ABLIM1: variants seen among roughly 807,000 people sequenced by gnomAD.
ABLIM1 encodes the protein actin-binding LIM protein 1.
Under a neutral mutation model 107.0 loss-of-function variants are expected in ABLIM1, and 40 were observed. The observed-to-expected ratio is 0.37, with a 90% CI of 0.29 to 0.49. ABLIM1 has a LOEUF of 0.49. Ranked by LOEUF, ABLIM1 falls within the 20% of genes least tolerant of loss-of-function variation. The probability of loss-of-function intolerance (pLI) is 0.97; values close to 1 mark genes in which losing one functional copy is unlikely to be tolerated. For missense variants in ABLIM1, 857 were observed against 1,008.5 expected (o/e 0.85, Z 2.04); for synonymous variants, 357 against 357.3 (o/e 1.00, Z 0.01).
the ABLIM1 span, among the ~76,000 whole-genome samples, chr10:114,788,326 TA>T: frequency 3.0e-5 from 4 of 131,368 alleles, no homozygotes; most frequent in African/African-American, 8.5e-5. Context: ...GAATGATCAA[TA>T]AAAAAATAAA....
In ABLIM1 at chr10:114,460,643, A is replaced by C. The variant is rs2063696180; in HGVS notation, c.1441+5055T>G. On this transcript the variant is annotated intron_variant, in intron 12 of 22. Transcript: ENST00000533213. ...GCAATTTAAGAGCACCATGCTGACC[A>C]AGGTGGGTGTGCCCCACACCAAGAC... is the stretch of plus-strand genomic sequence containing the variant. Among the ~76,000 whole-genome samples, 3 of 152,212 alleles carry C rather than the reference A, an allele frequency of 2.0e-5. No homozygotes were observed. In the South Asian group the frequency reaches 6.2e-4, roughly 31 times the overall value.
the ABLIM1 span, among the ~76,000 whole-genome samples, chr10:114,795,260 A>G: frequency 6.6e-6 from 1 of 152,276 alleles, no homozygotes; most frequent in East Asian, 1.9e-4. Context: ...TGAATATTAC[A>G]TTTAGAGGGA....
chr10:114,463,017 T>A (rs1489613660), intron 12 of ABLIM1: 2 of 1,313,482 alleles, frequency 1.5e-6, no homozygotes, highest in South Asian at 2.4e-5. Context: ...CTATGCAGGG[T>A]GCTGCCTGGA....
At chr10:114,800,856 C>T in the ABLIM1 span, among the ~76,000 whole-genome samples, 2 of 151,824 alleles carry the variant, frequency 1.3e-5, no homozygotes, top group African/African-American at 4.8e-5. Context: ...TGTAATCAGC[C>T]GAGATCATGC....
intron 1 of ABLIM1, among the ~76,000 whole-genome samples, chr10:114,627,312 T>C (rs1240052087): frequency 6.6e-6 from 1 of 152,204 alleles, no homozygotes; most frequent in Non-Finnish European, 1.5e-5. Flanking sequence ...AGCTGCCTGC[T>C]TCAGGGAGTC....
chr10:114,737,227 G>A (rs2082198599), intron 1 of ABLIM1, among the ~76,000 whole-genome samples: 1 of 152,188 alleles, frequency 6.6e-6, no homozygotes, highest in Non-Finnish European at 1.5e-5. Flanking sequence ...CAAAGGCTGA[G>A]ACACGAGAAT....
At chr10:114,638,018 A>C (rs2078565617) in intron 1 of ABLIM1, among the ~76,000 whole-genome samples, 1 of 152,172 alleles carries the variant, frequency 6.6e-6, no homozygotes, top group Non-Finnish European at 1.5e-5. Flanking sequence ...ACCACCACCA[A>C]GTGCTCTGAA....
intron 4 of ABLIM1, among the ~76,000 whole-genome samples, chr10:114,552,430 G>T (rs2068176358): frequency 6.7e-6 from 1 of 148,770 alleles, no homozygotes; most frequent in African/African-American, 2.5e-5. Flanking sequence ...TGGCATCGAG[G>T]AAATAAAACC....
intron 1 of ABLIM1, among the ~76,000 whole-genome samples, chr10:114,618,692 G>A (rs143108185): frequency 6.6e-6 from 1 of 152,344 alleles, no homozygotes; most frequent in African/African-American, 2.4e-5. Flanking sequence ...TCAACAAGGT[G>A]CCTTCCAATC....
Position 114,547,744 on chromosome 10 carries a change from C to G in ABLIM1, c.706G>C (p.Gly236Arg), listed in dbSNP as rs1386555857. 5 of 1,612,676 alleles carry G rather than the reference C, an allele frequency of 3.1e-6. No individual in the cohort carries two copies. Among genetic ancestry groups the G allele is most frequent in the Non-Finnish European group, 3.4e-6 (4 of 1,180,020 alleles). The change falls in exon 5 of 23, where the codon GGG becomes CGG. Residue 236 changes from glycine to arginine, a missense_variant. Gly to Arg is a moderately radical substitution (Grantham distance 125, BLOSUM62 -2). Coordinates refer to ENST00000533213, the MANE Select transcript of ABLIM1 (RefSeq NM_002313.7). ...TTATCCAGCGCCAGCAGCGCCTGCC[C>G]ATTCTTGATATCTCTTCCGCAGCCG... ...CAGCGRDIKNGQALLALDKQW... is the reference protein window; with the variant it reads ...CAGCGRDIKNRQALLALDKQW...
chr10:114,565,951 T>C (rs1243835053), intron 4 of ABLIM1, among the ~76,000 whole-genome samples: 11 of 151,906 alleles, frequency 7.2e-5, no homozygotes, highest in East Asian at 3.9e-4. Context: ...CCCGCCACCA[T>C]GCCTCGCTAA....
intron 1 of ABLIM1, among the ~76,000 whole-genome samples, chr10:114,628,823 C>T (rs899137162): frequency 3.3e-5 from 5 of 151,982 alleles, no homozygotes; most frequent in Admixed American, 6.6e-5. Flanking sequence ...TAATAAATCC[C>T]TTTTGTATTC....
At chr10:114,593,277 T>C (rs1219028410) in intron 2 of ABLIM1, among the ~76,000 whole-genome samples, 1 of 152,024 alleles carries the variant, frequency 6.6e-6, no homozygotes, top group Non-Finnish European at 1.5e-5. Flanking sequence ...GACCTTAGAG[T>C]TGTCAAGAAC....
chr10:114,548,791 G>A (rs1381839337), intron 4 of ABLIM1, among the ~76,000 whole-genome samples: 1 of 152,170 alleles, frequency 6.6e-6, no homozygotes, highest in Non-Finnish European at 1.5e-5. Flanking sequence ...GTGTCAAGTT[G>A]GCCACGTGTT....
chr10:114,593,873 A>T (rs2075156665), intron 2 of ABLIM1, among the ~76,000 whole-genome samples: 1 of 152,244 alleles, frequency 6.6e-6, no homozygotes, highest in Non-Finnish European at 1.5e-5. Context: ...TAAAAACTAA[A>T]TTATATTTAT....
At chr10:114,660,623 C>T (rs944419043), upstream of ABLIM1, among the ~76,000 whole-genome samples, 3 of 152,156 alleles carry the variant, frequency 2.0e-5, no homozygotes, top group East Asian at 3.9e-4. Flanking sequence ...TAATAAACAT[C>T]GTAGTGTGGG....
At chr10:114,455,902 T>A (rs1056248366) in intron 12 of ABLIM1, among the ~76,000 whole-genome samples, 7 of 150,110 alleles carry the variant, frequency 4.7e-5, no homozygotes, top group African/African-American at 1.5e-4. Context: ...AAGCTCCGCC[T>A]CCTGGGTTCA....
chr10:114,654,099 G>A (rs1235312132), intron 1 of ABLIM1, among the ~76,000 whole-genome samples: 2 of 152,146 alleles, frequency 1.3e-5, no homozygotes, highest in African/African-American at 4.8e-5. Context: ...GAACACTCTG[G>A]GGCTTCGTAG....
intron 8 of ABLIM1, among the ~76,000 whole-genome samples, chr10:114,479,078 C>T (rs978410547): frequency 7.9e-5 from 12 of 152,046 alleles, no homozygotes; most frequent in Non-Finnish European, 1.6e-4. Context: ...TTTCTTTTTT[C>T]TTTTCCATTC....
Sources: gnomAD v4.1 joint callset for allele counts (sites outside exome capture counted in the v4.1 genomes callset) on GRCh38, gnomAD v4.1.1 for gene constraint, MANE v1.5 for transcripts, NCBI Gene and HGNC (gene_info 2026-07-23, HGNC 2026-07-21) for gene names.